The following APCDD1L variants were observed in gnomAD, a reference collection of about 807,000 sequenced individuals.
APCDD1L encodes the protein protein APCDD1-like.
A neutral mutation model predicts 24.2 loss-of-function variants in APCDD1L; 21 were observed. That is an observed-to-expected ratio of 0.87 (90% CI 0.61 to 1.25). The LOEUF is 1.25. Ranked by LOEUF, APCDD1L falls within the 50% of genes most tolerant of loss-of-function variation. The pLI, the probability that APCDD1L is intolerant of heterozygous loss-of-function variation, is 0.00. For missense variants in APCDD1L, 704 were observed against 711.7 expected, an observed-to-expected ratio of 0.99 and a Z score of 0.12; for synonymous variants, 321 against 323.6, an observed-to-expected ratio of 0.99 and a Z score of 0.09.
intron 1 of APCDD1L, among the ~76,000 whole-genome samples, chr20:58,472,289 T>C (rs1366739159): frequency 6.6e-6 from 1 of 152,172 alleles, no homozygotes; most frequent in Non-Finnish European, 1.5e-5. Flanking sequence ...TTATACATTA[T>C]TCCCATCTGA....
At chr20:58,485,884 G>A (rs2123162101) in intron 1 of APCDD1L, among the ~76,000 whole-genome samples, 1 of 152,332 alleles carries the variant, frequency 6.6e-6, no homozygotes, top group South Asian at 2.1e-4. Context: ...CCCTCCTGAG[G>A]ACAGATGTCA....
In APCDD1L at chr20:58,467,426, C is replaced by A. The variant is rs1006138820; in HGVS notation, c.421G>T (p.Ala141Ser). Reference sequence around the variant, plus strand: ...AGGCGCCCGGTGACGTCGACCAGGGCCCGGCGGCTGTGGAAGACGATGCCC... The same window carrying A: ...AGGCGCCCGGTGACGTCGACCAGGGACCGGCGGCTGTGGAAGACGATGCCC... ...KVGIVFHSRR[A>S]LVDVTGRLNQ... Residue 141 changes from alanine (A) to serine (S), a missense_variant, in exon 3 of 4, where the codon GCC becomes TCC. Physicochemically the swap from Ala to Ser is moderately conservative, Grantham distance 99. Transcript: ENST00000371149. The surrounding 1 kb of genome is among the most constrained non-coding windows in gnomAD (Gnocchi z 5.9). 17 of 1,564,480 alleles carry A rather than the reference C, an allele frequency of 1.1e-5. No individual in the cohort carries two copies. The highest frequency in any genetic ancestry group is 1.4e-5 in the Non-Finnish European group (16 of 1,157,660).
At chr20:58,512,978 G>C (rs1206973839) in intron 1 of APCDD1L, among the ~76,000 whole-genome samples, 1 of 152,130 alleles carries the variant, frequency 6.6e-6, no homozygotes, top group Non-Finnish European at 1.5e-5. Flanking sequence ...TCACCGAGGA[G>C]CTGGGCAGCA....
chr20:58,485,080 C>T (rs1990097404), intron 1 of APCDD1L, among the ~76,000 whole-genome samples: 1 of 151,362 alleles, frequency 6.6e-6, no homozygotes, highest in Non-Finnish European at 1.5e-5. Context: ...AATAGTATTC[C>T]ATTATTTAGA....
intron 1 of APCDD1L, among the ~76,000 whole-genome samples, chr20:58,489,553 G>A (rs1273672923): frequency 6.6e-6 from 1 of 151,556 alleles, no homozygotes; most frequent in African/African-American, 2.4e-5. Context: ...GTGTGGTGGC[G>A]GGCACCTGTA....
chr20:58,498,100 G>A (rs1057325787), intron 1 of APCDD1L, among the ~76,000 whole-genome samples: 1 of 152,146 alleles, frequency 6.6e-6, no homozygotes, highest in Non-Finnish European at 1.5e-5. Context: ...AGACTGAGGC[G>A]TTTTCATGCT....
chr20:58,481,264 G>A (rs1990019212), intron 1 of APCDD1L, among the ~76,000 whole-genome samples: 1 of 152,320 alleles, frequency 6.6e-6, no homozygotes, highest in East Asian at 1.9e-4. Flanking sequence ...TAGCTCTCTT[G>A]GCAGAAGGCT....
chr20:58,511,480 T>C (rs1990626407), intron 1 of APCDD1L, among the ~76,000 whole-genome samples: 1 of 152,226 alleles, frequency 6.6e-6, no homozygotes, highest in Admixed American at 6.5e-5. Flanking sequence ...CACGTGTAGC[T>C]TCTAACTGCT....
chr20:58,488,201 C>A (rs1401804979), intron 1 of APCDD1L, among the ~76,000 whole-genome samples: 3 of 152,144 alleles, frequency 2.0e-5, no homozygotes, highest in African/African-American at 7.2e-5. Context: ...GGATGTGAAA[C>A]CCCCTTTTGT....
intron 3 of APCDD1L, among the ~76,000 whole-genome samples, chr20:58,465,388 T>A (rs986593979): frequency 6.6e-6 from 1 of 152,154 alleles, no homozygotes; most frequent in Non-Finnish European, 1.5e-5. Context: ...TCCACAGTGC[T>A]CCCGCATTGG....
intron 3 of APCDD1L, among the ~76,000 whole-genome samples, chr20:58,466,358 G>C (rs1989704353): frequency 6.6e-6 from 1 of 152,198 alleles, no homozygotes. Context: ...AGACCTGAAG[G>C]ATCCCTTTCG....
At chr20:58,514,116 T>C in intron 1 of APCDD1L, 1 of 412,502 alleles carries the variant, frequency 2.4e-6, no homozygotes, top group Non-Finnish European at 4.1e-6. Flanking sequence ...CAGGGGTTCC[T>C]GAAGCCCCTT....
intron 1 of APCDD1L, among the ~76,000 whole-genome samples, chr20:58,502,883 C>A (rs537364768): frequency 6.6e-6 from 1 of 152,224 alleles, no homozygotes; most frequent in Non-Finnish European, 1.5e-5. Context: ...ATTCCACGTT[C>A]TTGTTGAAGC....
At chr20:58,500,047 G>C (rs1224692653) in intron 1 of APCDD1L, among the ~76,000 whole-genome samples, 1 of 151,924 alleles carries the variant, frequency 6.6e-6, no homozygotes, top group Non-Finnish European at 1.5e-5. Context: ...CTGGAGCCTA[G>C]AAAAACAAAA....
At position 58,495,113 on chromosome 20, in the gene APCDD1L, C is replaced by T. The variant is rs140330469; in HGVS notation, c.49+19546G>A. Among the ~76,000 whole-genome samples the T allele has an allele frequency of 5.7e-3, 871 of 152,284 alleles. 10 individuals carry two copies. The highest frequency in any genetic ancestry group is 0.019 in the African/African-American group (784 of 41,544). On this transcript the variant is annotated intron_variant, in intron 1 of 3. Coordinates refer to ENST00000371149, the MANE Select transcript of APCDD1L (RefSeq NM_153360.3). The stretch of plus-strand genomic sequence containing the variant: ...CTTAGTGCTCACATGCCTCCTTCAG[C>T]CAAAGGGAGGGCTGAGGACACCTCT...
chr20:58,470,791 G>A (rs976579493), intron 1 of APCDD1L, 44 bp from the exon 2 acceptor site: 12 of 1,498,296 alleles, frequency 8.0e-6, no homozygotes, highest in African/African-American at 5.5e-5. Flanking sequence ...CATGCCCCGG[G>A]AACACCCACC....
Position 58,460,953 on chromosome 20 carries a change from T to TAGGA in APCDD1L, c.1339_1342dup (p.Tyr448PhefsTer136). The TAGGA allele has an allele frequency of 6.2e-7, 1 of 1,613,966 alleles. No homozygotes were observed. On this transcript the variant is annotated frameshift_variant, in exon 4 of 4. Coordinates refer to ENST00000371149, the MANE Select transcript of APCDD1L (RefSeq NM_153360.3). LOFTEE classifies it low-confidence loss of function (END_TRUNC). This position sits in a 1 kb window ranked among gnomAD's most constrained non-coding sequence, Gnocchi z 4.2. Reference sequence around the variant, plus strand: ...ATGACAGAGCACCAGGGGTGCTTGGTAGGAGGTGGGACGTTTCTCTGGGGT... The same window carrying TAGGA: ...ATGACAGAGCACCAGGGGTGCTTGGTAGGAAGGAGGTGGGACGTTTCTCTGGGGT...
chr20:58,467,385 G>A lies in APCDD1L; in HGVS notation c.462C>T (p.Ala154=), dbSNP rs1320114840. 6.6e-7 allele frequency: 1 copy of A among 1,506,738 alleles called. No homozygotes were observed. Among genetic ancestry groups the A allele is most frequent in the Non-Finnish European group, 8.8e-7 (1 of 1,131,776 alleles). 93.3% of individuals were successfully genotyped at this position (1,506,738 alleles called of 1,614,324 possible). The change falls in exon 3 of 4, where the codon GCC becomes GCT. Residue 154 remains alanine (A), a synonymous_variant. Coordinates refer to ENST00000371149, the MANE Select transcript of APCDD1L (RefSeq NM_153360.3). The surrounding 1 kb of genome is among the most constrained non-coding windows in gnomAD (Gnocchi z 5.9). ...DVTGRLNQTR[A]GRDCARRLPP... ...GCAGCCGCCGCGCGCAGTCCCGGCC[G>A]GCGCGGGTCTGGTTGAGGCGCCCGG...
intron 1 of APCDD1L, among the ~76,000 whole-genome samples, chr20:58,493,778 T>A (rs919868175): frequency 2.6e-5 from 4 of 152,202 alleles, no homozygotes; most frequent in African/African-American, 9.7e-5. Flanking sequence ...TTGTGCTTTT[T>A]GGGATGAGGG....
Sources: allele counts gnomAD v4.1 joint callset (sites outside exome capture counted in the v4.1 genomes callset), GRCh38; gene constraint gnomAD v4.1.1; non-coding constraint Gnocchi (gnomAD v3.1); transcripts MANE v1.5; gene names NCBI Gene and HGNC (gene_info 2026-07-23, HGNC 2026-07-21).